Variants in DYM observed in about 807,000 individuals in gnomAD.
DYM encodes the protein dyggve-Melchior-Clausen syndrome protein.
A neutral mutation model predicts 93.1 loss-of-function variants in DYM; 78 were observed. The ratio of observed to expected loss-of-function variants is 0.84; its 90% confidence interval spans 0.70 to 1.01. The LOEUF (loss-of-function observed/expected upper bound fraction) is 1.01. Among genes scored for constraint, DYM ranks in the 50% least tolerant of loss-of-function variants. DYM has a pLI of 0.00. For synonymous variants in DYM, 321 were observed against 319.7 expected (o/e 1.00, Z -0.04); for missense variants, 789 against 845.0 (o/e 0.93, Z 0.82).
At chr18:49,238,147 C>G (rs2093927973) in intron 13 of DYM, among the ~76,000 whole-genome samples, 2 of 152,128 alleles carry the variant, frequency 1.3e-5, no homozygotes, top group Admixed American at 1.3e-4. Context: ...TACACTTCAA[C>G]CAGAAAATTT....
rs573051080 is a variant in DYM at position 49,317,627 on chromosome 18, C to CTCCTATCCTCTCCTCT, written c.763+14236_763+14237insAGAGGAGAGGATAGGA. ...CTCCCCCCTCCCTCCCTCCCTCCCT[C>CTCCTATCCTCTCCTCT]CCTCTCCTATCCTCTCCTCTCCTTC... On this transcript the variant is annotated intron_variant, in intron 8 of 17. Coordinates refer to ENST00000675505, the MANE Select transcript of DYM (RefSeq NM_001353214.3). Among the ~76,000 whole-genome samples the CTCCTATCCTCTCCTCT allele has an allele frequency of 9.7e-3, 231 of 23,888 alleles. 1 individual carries two copies. The highest frequency in any genetic ancestry group is 0.015 in the Non-Finnish European group (179 of 11,824). 15.7% of individuals were successfully genotyped at this position (23,888 alleles called of 152,430 possible).
At chr18:49,345,480 T>C (rs1306360982) in intron 6 of DYM, among the ~76,000 whole-genome samples, 2 of 152,174 alleles carry the variant, frequency 1.3e-5, no homozygotes, top group East Asian at 3.9e-4. Context: ...AGAAGCAAGG[T>C]GGCAAGGGAA....
intron 17 of DYM, among the ~76,000 whole-genome samples, chr18:49,060,625 G>GGAGGGGGGA: frequency 7.4e-6 from 1 of 134,588 alleles, no homozygotes; most frequent in Non-Finnish European, 1.6e-5. Flanking sequence ...CTTAGAGAAG[G>GGAGGGGGGA]GAGGGGGGAG....
rs1464919825 is a variant in DYM at position 49,038,331 on chromosome 18, A to T, written c.*5724T>A. Among the ~76,000 whole-genome samples the T allele has an allele frequency of 6.6e-6, 1 of 152,226 alleles. No individual in the cohort carries two copies. Among genetic ancestry groups the T allele is most frequent in the Non-Finnish European group, 1.5e-5 (1 of 68,032 alleles). ...TATCACTCTGGTTGCATATTTGTCT[A>T]AATTTCCTATCAAATTTTCTTTTAC... On this transcript the variant is annotated 3_prime_UTR_variant, in exon 18 of 18. Transcript: ENST00000675505.
chr18:49,128,393 T>C (rs555374114), intron 15 of DYM, among the ~76,000 whole-genome samples: 9 of 152,356 alleles, frequency 5.9e-5, no homozygotes, highest in Admixed American at 1.3e-4. Context: ...TGGTGTTTTA[T>C]TAGAAAAAGA....
chr18:49,311,112 T>A (rs2061561671), intron 8 of DYM, among the ~76,000 whole-genome samples: 1 of 152,132 alleles, frequency 6.6e-6, no homozygotes, highest in Admixed American at 6.5e-5. Context: ...GCTAGAGGCT[T>A]CCTTAGAGAC....
At chr18:49,200,738 T>G (rs2091921280) in intron 14 of DYM, among the ~76,000 whole-genome samples, 1 of 152,118 alleles carries the variant, frequency 6.6e-6, no homozygotes, top group Non-Finnish European at 1.5e-5. Flanking sequence ...ACTAAATTTT[T>G]TAATTGACAA....
chr18:49,390,426 T>C (rs983750592), intron 3 of DYM, among the ~76,000 whole-genome samples: 1 of 150,568 alleles, frequency 6.6e-6, no homozygotes, highest in Non-Finnish European at 1.5e-5. Flanking sequence ...CAAGACTCTA[T>C]CTCTTTAAAA....
chr18:49,175,357 A>G (rs2089265328), intron 14 of DYM, among the ~76,000 whole-genome samples: 2 of 152,192 alleles, frequency 1.3e-5, no homozygotes. Context: ...AGTTGATTTT[A>G]GTTTAAAAAT....
intron 1 of DYM, among the ~76,000 whole-genome samples, chr18:49,459,964 G>A (rs1326641626): frequency 6.6e-6 from 1 of 151,852 alleles, no homozygotes; most frequent in Non-Finnish European, 1.5e-5. Context: ...GGGTGGTGAT[G>A]GCTGCTCAAC....
chr18:49,419,297 C>A (rs950619569), intron 2 of DYM, among the ~76,000 whole-genome samples: 1 of 151,768 alleles, frequency 6.6e-6, no homozygotes, highest in Non-Finnish European at 1.5e-5. Flanking sequence ...AGGCGGAGGT[C>A]GCAGTGAGCT....
chr18:49,044,111 C>T lies in DYM; in HGVS notation c.2119G>A (p.Val707Ile). 6 of 1,614,132 alleles carry T rather than the reference C, an allele frequency of 3.7e-6. No homozygotes were observed. Among genetic ancestry groups the T allele is most frequent in the Non-Finnish European group, 5.1e-6 (6 of 1,180,040 alleles). ...TCCTGTGGATTCCAGTACAGGCCGA[C>T]TGCTGAGTTGTAGACAAGAGACCAG... ...YVWSLVYNSAVGLYWNPQDIQ... is the reference protein window; with the variant it reads ...YVWSLVYNSAIGLYWNPQDIQ... Residue 707 changes from valine (V) to isoleucine (I), a missense_variant, in exon 18 of 18, where the codon GTC (valine) becomes ATC (isoleucine). Transcript: ENST00000675505.
In DYM at chr18:49,341,475, G is replaced by C. The variant is rs2064120653; in HGVS notation, c.495-7622C>G. Reference sequence around the variant, plus strand: ...CCACTGCATTCTAGCCTGGGCTACAGAGTGAGACTCCATCGCAAAAAAAAA... The same window carrying C: ...CCACTGCATTCTAGCCTGGGCTACACAGTGAGACTCCATCGCAAAAAAAAA... On this transcript the variant is annotated intron_variant, in intron 6 of 17. Coordinates refer to ENST00000675505, the MANE Select transcript of DYM (RefSeq NM_001353214.3). Among the ~76,000 whole-genome samples, 4 of 109,594 alleles carry C rather than the reference G, an allele frequency of 3.6e-5. No homozygotes were observed. The South Asian group carries it at 1.3e-3, about 36-fold the overall frequency. The allele number at this position is 109,594 out of a possible 152,430, so 71.9% of individuals were successfully genotyped here. A position where few individuals can be genotyped will look rare whatever the true frequency, so the allele number is the denominator to read the frequency against.
At chr18:49,179,844 C>A (rs1184526747) in intron 14 of DYM, among the ~76,000 whole-genome samples, 1 of 152,044 alleles carries the variant, frequency 6.6e-6, no homozygotes, top group African/African-American at 2.4e-5. Flanking sequence ...ACTACCAGCA[C>A]CATCATTTCC....
In DYM at chr18:49,374,745, G is replaced by A. The variant is rs374571517; in HGVS notation, c.421+3822C>T. 2.2e-4 allele frequency among the ~76,000 whole-genome samples: 33 copies of A among 152,216 alleles called. No homozygotes were observed. The East Asian group carries it at 5.4e-3, about 25-fold the overall frequency. ...AGGCCGAGGTGGGCAGATCACATGA[G>A]GTCAGGAGTTCAAGACCAGCCTGAC... On this transcript the variant is annotated intron_variant, in intron 5 of 17. Transcript: ENST00000675505.
intron 17 of DYM, among the ~76,000 whole-genome samples, chr18:49,082,241 A>G (rs960987693): frequency 1.3e-5 from 2 of 152,288 alleles, no homozygotes; most frequent in Non-Finnish European, 2.9e-5. Context: ...CCATGGAAAT[A>G]GAAATGTATG....
chr18:49,405,565 C>G (rs1223785949), intron 2 of DYM, among the ~76,000 whole-genome samples: 1 of 152,074 alleles, frequency 6.6e-6, no homozygotes. Context: ...GGCTTTATTT[C>G]TGGGTTCTCT....
At chr18:49,272,154 C>T in intron 11 of DYM, 24 bp downstream of exon 11, 1 of 1,608,720 alleles carries the variant, frequency 6.2e-7, no homozygotes, top group Non-Finnish European at 8.5e-7. Context: ...AACTCTAACT[C>T]TAATCCAAGT....
At chr18:49,120,779 A>G (rs1303580629) in intron 15 of DYM, among the ~76,000 whole-genome samples, 1 of 152,186 alleles carries the variant, frequency 6.6e-6, no homozygotes, top group Non-Finnish European at 1.5e-5. Flanking sequence ...TAAGAGATGA[A>G]AAGGTATGCC....
Sources: allele counts gnomAD v4.1 joint callset (sites outside exome capture counted in the v4.1 genomes callset), GRCh38; gene constraint gnomAD v4.1.1; transcripts MANE v1.5; gene names NCBI Gene and HGNC (gene_info 2026-07-23, HGNC 2026-07-21).